Variants in TMCO4 observed in about 807,000 individuals in gnomAD.
TMCO4 encodes the protein transmembrane and coiled-coil domains 4.
TMCO4 carries 58 observed loss-of-function variants against 64.7 expected under a neutral mutation model. The ratio of observed to expected loss-of-function variants is 0.90; its 90% CI spans 0.73 to 1.12. The LOEUF is 1.12. Ranked by LOEUF, TMCO4 falls within the 50% of genes most tolerant of loss-of-function variation. TMCO4 has a pLI of 0.00. For missense variants in TMCO4, 780 were observed against 825.9 expected (o/e 0.94, Z 0.68); for synonymous variants, 325 against 346.1 (o/e 0.94, Z 0.68).
At chr1:19,771,767 C>G (rs2042994646) in intron 4 of TMCO4, among the ~76,000 whole-genome samples, 1 of 152,146 alleles carries the variant, frequency 6.6e-6, no homozygotes, top group Admixed American at 6.5e-5. Flanking sequence ...AGTGATTCTC[C>G]TGCCTCAGCC....
At position 19,682,376 on chromosome 1, in the gene TMCO4, G is replaced by C; in HGVS notation, c.*664C>G. 1 of 495,016 alleles carries C rather than the reference G, an allele frequency of 2.0e-6. No individual in the cohort carries two copies. Among genetic ancestry groups the C allele is most frequent in the Non-Finnish European group, 3.6e-6 (1 of 275,288 alleles). The allele number at this position is 495,016 out of a possible 1,614,324, so 30.7% of individuals were successfully genotyped here. ...ATGCAATTCAGCATGTATTCACCAT[G>C]CTCTGTTAGTGGTGTCCAGATGTTG... On this transcript the variant is annotated 3_prime_UTR_variant, in exon 16 of 16. Coordinates refer to ENST00000294543, the MANE Select transcript of TMCO4 (RefSeq NM_181719.7).
intron 13 of TMCO4, among the ~76,000 whole-genome samples, chr1:19,705,253 C>A (rs1053748929): frequency 6.6e-6 from 1 of 152,050 alleles, no homozygotes; most frequent in South Asian, 2.1e-4. Context: ...GAGTTTGAGA[C>A]CAGCCTGGCC....
intron 5 of TMCO4, 125 bp downstream of exon 5, chr1:19,771,183 T>C: frequency 3.0e-6 from 3 of 991,166 alleles, no homozygotes; most frequent in East Asian, 2.4e-5. Context: ...CATGATATGA[T>C]ATTATGATGA....
At chr1:19,751,766 G>A (rs1353587696) in intron 7 of TMCO4, among the ~76,000 whole-genome samples, 1 of 152,008 alleles carries the variant, frequency 6.6e-6, no homozygotes, top group Non-Finnish European at 1.5e-5. Context: ...ATTGTTTTGG[G>A]GGCCGGGCGT....
intron 13 of TMCO4, among the ~76,000 whole-genome samples, chr1:19,708,635 C>T (rs1426455707): frequency 6.6e-6 from 1 of 152,176 alleles, no homozygotes; most frequent in Non-Finnish European, 1.5e-5. Flanking sequence ...CCAGCTTCAC[C>T]TTTGTCATTT....
intron 13 of TMCO4, among the ~76,000 whole-genome samples, chr1:19,730,494 T>C (rs2100786611): frequency 6.6e-6 from 1 of 152,398 alleles, no homozygotes; most frequent in African/African-American, 2.4e-5. Context: ...TACTCTCTGT[T>C]GGCATTATTC....
At chr1:19,699,521 G>T (rs2095258079) in intron 14 of TMCO4, among the ~76,000 whole-genome samples, 1 of 143,172 alleles carries the variant, frequency 7.0e-6, no homozygotes. Flanking sequence ...ATATTGAGAT[G>T]GAGTCTTGCT....
intron 15 of TMCO4, among the ~76,000 whole-genome samples, chr1:19,688,111 C>G (rs1025175047): frequency 6.6e-6 from 1 of 152,202 alleles, no homozygotes; most frequent in Non-Finnish European, 1.5e-5. Context: ...CCTGGATACA[C>G]GCCGGATGTG....
chr1:19,713,316 G>T (rs2095340378), intron 13 of TMCO4, among the ~76,000 whole-genome samples: 1 of 152,136 alleles, frequency 6.6e-6, no homozygotes, highest in Non-Finnish European at 1.5e-5. Flanking sequence ...CATACTGATG[G>T]CTCATGTGTA....
intron 13 of TMCO4, among the ~76,000 whole-genome samples, chr1:19,706,306 C>T (rs982116107): frequency 3.5e-4 from 53 of 152,178 alleles, no homozygotes; most frequent in African/African-American, 1.0e-3. Context: ...TTTTCAAGAC[C>T]GACAAAAGAA....
intron 13 of TMCO4, among the ~76,000 whole-genome samples, chr1:19,725,279 C>T (rs998897890): frequency 6.6e-6 from 1 of 152,184 alleles, no homozygotes; most frequent in African/African-American, 2.4e-5. Flanking sequence ...ACTGCATGGA[C>T]AGGCCCACAG....
chr1:19,793,280 G>A (rs1016194842), intron 2 of TMCO4, among the ~76,000 whole-genome samples: 1 of 152,084 alleles, frequency 6.6e-6, no homozygotes, highest in African/African-American at 2.4e-5. Context: ...TGGCTACAGC[G>A]TCATGGGAAG....
At chr1:19,778,480 A>T (rs2043312983) in intron 4 of TMCO4, among the ~76,000 whole-genome samples, 1 of 151,884 alleles carries the variant, frequency 6.6e-6, no homozygotes, top group East Asian at 1.9e-4. Context: ...CACCATGTTG[A>T]CCAGGCTGGT....
intron 14 of TMCO4, among the ~76,000 whole-genome samples, chr1:19,695,471 A>G (rs2095230097): frequency 6.6e-6 from 1 of 152,136 alleles, no homozygotes; most frequent in South Asian, 2.1e-4. Context: ...CTCAGATCCA[A>G]CTCAGCCCAT....
chr1:19,718,199 G>A (rs966869961), intron 13 of TMCO4, among the ~76,000 whole-genome samples: 12 of 152,044 alleles, frequency 7.9e-5, no homozygotes, highest in Admixed American at 7.9e-4. Flanking sequence ...ACTGGGCATG[G>A]TGGTGGGCAC....
intron 2 of TMCO4, 119 bp from the exon 3 acceptor site, chr1:19,787,236 G>A (rs532421167): frequency 1.3e-5 from 2 of 152,430 alleles, no homozygotes; most frequent in South Asian, 2.1e-4. Flanking sequence ...GCACTGCACC[G>A]TCGCTCCCCT....
intron 4 of TMCO4, among the ~76,000 whole-genome samples, chr1:19,772,413 T>G (rs775806514): frequency 3.9e-5 from 6 of 152,052 alleles, no homozygotes; most frequent in Non-Finnish European, 8.8e-5. Flanking sequence ...GGCATCTGAG[T>G]GCAGTCCTAC....
rs1355695674 is a variant in TMCO4 at position 19,682,535 on chromosome 1, T to C, written c.*505A>G. ...GAGCAGGAGTGAGCTGCCTTCTTTGTACCTGCGCCTGCTCTGTTGCTGCCA... is the reference window on the plus strand; with the variant it reads ...GAGCAGGAGTGAGCTGCCTTCTTTGCACCTGCGCCTGCTCTGTTGCTGCCA... On this transcript the variant is annotated 3_prime_UTR_variant, in exon 16 of 16. Transcript: ENST00000294543. The C allele has an allele frequency of 1.4e-6, 1 of 705,458 alleles. No homozygotes were observed. The highest frequency in any genetic ancestry group is 1.5e-5 in the South Asian group (1 of 66,546). 43.7% of individuals were successfully genotyped at this position (705,458 alleles called of 1,614,324 possible). A position where few individuals can be genotyped will look rare whatever the true frequency, so the allele number is the denominator to read the frequency against.
chr1:19,689,095 G>A (rs2095171911), intron 15 of TMCO4, among the ~76,000 whole-genome samples: 1 of 152,202 alleles, frequency 6.6e-6, no homozygotes, highest in Non-Finnish European at 1.5e-5. Context: ...GGTTGGCCCA[G>A]CAGGGAGAAG....
Sources: allele counts gnomAD v4.1 joint callset (sites outside exome capture counted in the v4.1 genomes callset), GRCh38; gene constraint gnomAD v4.1.1; transcripts MANE v1.5; gene names NCBI Gene and HGNC (gene_info 2026-07-23, HGNC 2026-07-21).